SLC18A1: variants seen among roughly 807,000 people sequenced by gnomAD.
SLC18A1 encodes the protein solute carrier family 18 member A1.
A neutral mutation model predicts 53.7 loss-of-function variants in SLC18A1; 69 were observed. The ratio of observed to expected loss-of-function variants is 1.28; its 90% CI spans 1.06 to 1.57. The LOEUF (loss-of-function observed/expected upper bound fraction) is 1.57. Among genes scored for constraint, SLC18A1 ranks in the 40% most tolerant of loss-of-function variants. The pLI, the probability that SLC18A1 is intolerant of heterozygous loss-of-function variation, is 0.00. For missense variants in SLC18A1, 932 were observed against 668.1 expected (o/e 1.40, Z -4.35); for synonymous variants, 320 against 248.1 (o/e 1.29, Z -2.72).
intron 14 of SLC18A1, 39 bp downstream of exon 14, chr8:20,147,564 A>G (rs17092097): frequency 0.021 from 34,041 of 1,612,352 alleles, 2,298 homozygotes; most frequent in African/African-American, 0.18. Context: ...GGTAAAGAGT[A>G]GACAGGGGAA....
intron 5 of SLC18A1, among the ~76,000 whole-genome samples, chr8:20,173,928 G>C (rs1183695588): frequency 6.9e-6 from 1 of 144,012 alleles, no homozygotes. Context: ...TTAGGGTCTA[G>C]CTCTGTCACC....
chr8:20,171,497 G>T lies in SLC18A1; in HGVS notation c.725-3C>A. The T allele has an allele frequency of 6.2e-7, 1 of 1,612,006 alleles. No homozygotes were observed. Among genetic ancestry groups the T allele is most frequent in the Non-Finnish European group, 8.5e-7 (1 of 1,178,106 alleles). On this transcript the variant is annotated splice_polypyrimidine_tract_variant and splice_region_variant and intron_variant, in intron 6 of 15. Transcript: ENST00000276373. Reference sequence around the variant, plus strand: ...TACACTTCCAAAGGGAGCTCCCACTGGAGAGGCATAGGAGACACAGATTCC... The same window carrying T: ...TACACTTCCAAAGGGAGCTCCCACTTGAGAGGCATAGGAGACACAGATTCC...
At chr8:20,174,814 T>C (rs927064351) in intron 4 of SLC18A1, among the ~76,000 whole-genome samples, 2 of 152,160 alleles carry the variant, frequency 1.3e-5, no homozygotes, top group African/African-American at 2.4e-5. Flanking sequence ...GGATCGTCCA[T>C]GTGCAAAATC....
chr8:20,181,750 T>C (rs2072433467), intron 1 of SLC18A1: 2 of 152,154 alleles, frequency 1.3e-5, no homozygotes, highest in South Asian at 2.1e-4. Context: ...TAGACCAACC[T>C]TCATCTCATA....
intron 10 of SLC18A1, among the ~76,000 whole-genome samples, chr8:20,152,990 T>C (rs1220822575): frequency 1.3e-5 from 2 of 152,176 alleles, no homozygotes; most frequent in Non-Finnish European, 2.9e-5. Flanking sequence ...CATTTTATCA[T>C]AGCTTCTGTT....
intron 3 of SLC18A1, among the ~76,000 whole-genome samples, 162 bp downstream of exon 3, chr8:20,178,959 G>A (rs1040249287): frequency 9.2e-5 from 14 of 152,164 alleles, no homozygotes; most frequent in African/African-American, 3.1e-4. Flanking sequence ...CATTTCATCA[G>A]TAACATGTTA....
intron 5 of SLC18A1, among the ~76,000 whole-genome samples, chr8:20,173,874 T>G (rs2072187952): frequency 1.3e-5 from 2 of 151,412 alleles, no homozygotes; most frequent in Non-Finnish European, 2.9e-5. Context: ...TGGACCCTGT[T>G]AGAAACTCTG....
chr8:20,166,199 T>G (rs2071952991), intron 8 of SLC18A1, among the ~76,000 whole-genome samples: 1 of 148,542 alleles, frequency 6.7e-6, no homozygotes. Context: ...TATAAAATAC[T>G]GAAAACTACC....
rs956272440 is a variant in SLC18A1 at position 20,145,056 on chromosome 8, A to C, written c.*707T>G. 6.6e-6 allele frequency: 1 copy of C among 152,094 alleles called. No homozygotes were observed. Among genetic ancestry groups the C allele is most frequent in the African/African-American group, 2.4e-5 (1 of 41,410 alleles). The allele number at this position is 152,094 out of a possible 1,614,324, so 9.4% of individuals were successfully genotyped here. A position where few individuals can be genotyped will look rare whatever the true frequency, so the allele number is the denominator to read the frequency against. On this transcript the variant is annotated 3_prime_UTR_variant, in exon 16 of 16. Coordinates refer to ENST00000276373, the MANE Select transcript of SLC18A1 (RefSeq NM_003053.4). ...GTCTAAGAGGTTCAGAAAAGGTAGG[A>C]ACACACAGGGGAGGTCAGGAGAATG...
rs369651257 is a variant in SLC18A1 at position 20,164,987 on chromosome 8, A to C, written c.920-23T>G. 4 of 1,613,770 alleles carry C rather than the reference A, an allele frequency of 2.5e-6. No individual in the cohort carries two copies. In the African/African-American group the frequency reaches 5.3e-5, roughly 22 times the overall value. ...ACCCTGGGGAGACTGTTCTGTGAGC[A>C]GCCGTGGCTGCTTGAAGCCCAGACA... On this transcript the variant is annotated intron_variant, in intron 9 of 15. Transcript: ENST00000276373.
intron 10 of SLC18A1, among the ~76,000 whole-genome samples, chr8:20,158,944 G>A (rs2071748082): frequency 6.6e-6 from 1 of 152,094 alleles, no homozygotes; most frequent in Non-Finnish European, 1.5e-5. Context: ...TAGGCTCGAT[G>A]GAACCTTGGC....
intron 10 of SLC18A1, among the ~76,000 whole-genome samples, chr8:20,159,751 A>T (rs576208314): frequency 6.6e-6 from 1 of 152,248 alleles, no homozygotes; most frequent in South Asian, 2.1e-4. Context: ...TTTAAACAAA[A>T]TAGTGCATAT....
chr8:20,145,245 A>G lies in SLC18A1; in HGVS notation c.*518T>C, dbSNP rs903207660. On this transcript the variant is annotated 3_prime_UTR_variant, in exon 16 of 16. Transcript: ENST00000276373. ...AAAATAAATGAAAAAAAACAAAACAAAACTCTTCAAGCTGGCATTTGGCAG... is the reference window on the plus strand; with the variant it reads ...AAAATAAATGAAAAAAAACAAAACAGAACTCTTCAAGCTGGCATTTGGCAG... 1 of 152,168 alleles carries G rather than the reference A, an allele frequency of 6.6e-6. No homozygotes were observed. The highest frequency in any genetic ancestry group is 1.5e-5 in the Non-Finnish European group (1 of 68,062). The allele number at this position is 152,168 out of a possible 1,614,324, so 9.4% of individuals were successfully genotyped here. A position where few individuals can be genotyped will look rare whatever the true frequency, so the allele number is the denominator to read the frequency against.
At chr8:20,151,707 A>G (rs892199822) in intron 10 of SLC18A1, among the ~76,000 whole-genome samples, 4 of 152,228 alleles carry the variant, frequency 2.6e-5, no homozygotes, top group Admixed American at 2.6e-4. Context: ...AGCCACACAA[A>G]GCTCCAAATT....
chr8:20,157,253 T>C (rs1398048336), intron 10 of SLC18A1, among the ~76,000 whole-genome samples: 2 of 152,134 alleles, frequency 1.3e-5, no homozygotes, highest in Non-Finnish European at 2.9e-5. Flanking sequence ...TCTGGAGAGA[T>C]ATAATGTTAC....
chr8:20,168,589 A>AT (rs1160556705), intron 8 of SLC18A1, among the ~76,000 whole-genome samples: 9 of 151,498 alleles, frequency 5.9e-5, no homozygotes, highest in Non-Finnish European at 1.3e-4. Flanking sequence ...TTTTTAGAGT[A>AT]TTTTTTTTGA....
chr8:20,182,835 T>C (rs910699349), intron 1 of SLC18A1, among the ~76,000 whole-genome samples: 8 of 152,200 alleles, frequency 5.3e-5, no homozygotes, highest in Non-Finnish European at 1.2e-4. Context: ...TTAGGATATG[T>C]ATGGATAAGA....
At position 20,166,299 on chromosome 8, in the gene SLC18A1, A is replaced by G. The variant is rs1470535520; in HGVS notation, c.859-1192T>C. On this transcript the variant is annotated intron_variant, in intron 8 of 15. Coordinates refer to ENST00000276373, the MANE Select transcript of SLC18A1 (RefSeq NM_003053.4). ...TGGGTGTGTGTGTGTCTATATATAT[A>G]TATATATATATATATATATATATAT... 6.0e-5 allele frequency among the ~76,000 whole-genome samples: 5 copies of G among 83,612 alleles called. No individual in the cohort carries two copies. The South Asian group carries it at 1.3e-3, about 21-fold the overall frequency. The allele number at this position is 83,612 out of a possible 152,430, so 54.9% of individuals were successfully genotyped here.
chr8:20,158,986 C>T (rs146448464), intron 10 of SLC18A1, among the ~76,000 whole-genome samples: 125 of 152,254 alleles, frequency 8.2e-4, no homozygotes, highest in African/African-American at 2.6e-3. Flanking sequence ...ATGTACCTCC[C>T]GCTGCACTTT....
Sources: gnomAD v4.1 joint callset for allele counts (sites outside exome capture counted in the v4.1 genomes callset) on GRCh38, gnomAD v4.1.1 for gene constraint, MANE v1.5 for transcripts, NCBI Gene and HGNC (gene_info 2026-07-23, HGNC 2026-07-21) for gene names.